FBP1: variants seen among roughly 807,000 people sequenced by gnomAD.
FBP1 encodes the protein fructose-bisphosphatase 1.
FBP1 carries 22 observed loss-of-function variants against 29.9 expected under a neutral mutation model. The ratio of observed to expected loss-of-function variants is 0.74; its 90% CI spans 0.53 to 1.05. FBP1 has a LOEUF of 1.05. Among genes scored for constraint, FBP1 ranks in the 50% least tolerant of loss-of-function variants. FBP1 has a pLI of 0.00. For missense variants in FBP1, 345 were observed against 448.2 expected (o/e 0.77, Z 2.08); for synonymous variants, 175 against 178.6 (o/e 0.98, Z 0.16).
intron 4 of FBP1, among the ~76,000 whole-genome samples, chr9:94,609,470 T>G (rs1359342425): frequency 6.6e-6 from 1 of 152,218 alleles, no homozygotes; most frequent in Non-Finnish European, 1.5e-5. Flanking sequence ...AGAAACATTA[T>G]GTTTTTTACA....
chr9:94,621,423 A>G (rs1434062170), intron 1 of FBP1, among the ~76,000 whole-genome samples: 1 of 149,440 alleles, frequency 6.7e-6, no homozygotes, highest in African/African-American at 2.6e-5. Context: ...AGAAGAAAGG[A>G]AGGAGGACAT....
intron 1 of FBP1, among the ~76,000 whole-genome samples, chr9:94,621,916 T>C (rs887624163): frequency 6.6e-6 from 1 of 152,044 alleles, no homozygotes; most frequent in Admixed American, 6.6e-5. Flanking sequence ...CCTCATTTCA[T>C]AGAGGAGAAA....
At chr9:94,624,661 T>TA (rs917166569) in intron 1 of FBP1, among the ~76,000 whole-genome samples, 2 of 149,456 alleles carry the variant, frequency 1.3e-5, no homozygotes, top group Admixed American at 6.7e-5. Context: ...CTCAAAAAAA[T>TA]AAAAAAAAGA....
At chr9:94,627,795 G>T (rs1377299631) in intron 1 of FBP1, among the ~76,000 whole-genome samples, 1 of 152,178 alleles carries the variant, frequency 6.6e-6, no homozygotes, top group African/African-American at 2.4e-5. Flanking sequence ...GAGGCTGGAG[G>T]GATATGGGAA....
chr9:94,613,585 C>T (rs112037608), intron 3 of FBP1, among the ~76,000 whole-genome samples: 1,750 of 151,872 alleles, frequency 0.012, 18 homozygotes, highest in South Asian at 0.02. Context: ...GGAAACATAG[C>T]GAGACCCCCT....
At chr9:94,604,486 T>TTAA (rs1554750318) in intron 6 of FBP1, among the ~76,000 whole-genome samples, 16 of 143,456 alleles carry the variant, frequency 1.1e-4, no homozygotes, top group Non-Finnish European at 2.1e-4. Flanking sequence ...CCTCTTGCAT[T>TTAA]AAAAAAAAAA....
rs757595481 is a variant in FBP1 at position 94,603,365 on chromosome 9, C to T, written c.*16G>A. On this transcript the variant is annotated 3_prime_UTR_variant, in exon 7 of 7. Transcript: ENST00000375326. ...CCAGGTAGAGGCAATTCTCCGGATG[C>T]AGGCAGGGCAGGTGCTCACTGGGCA... 1.9e-6 allele frequency: 3 copies of T among 1,610,036 alleles called. No individual in the cohort carries two copies. The highest frequency in any genetic ancestry group is 2.5e-6 in the Non-Finnish European group (3 of 1,177,546).
In FBP1 at chr9:94,632,376, GAAAAT is replaced by G. The variant is rs1170756779; in HGVS notation, c.170+6760_170+6764del. On this transcript the variant is annotated intron_variant, in intron 1 of 6. Coordinates refer to ENST00000375326, the MANE Select transcript of FBP1 (RefSeq NM_000507.4). ...TGCAAATAAAAGTTTACAAAAAAAT[GAAAAT>G]AAAATAGACCAGGCACGGTGGCTCA... Among the ~76,000 whole-genome samples, 5 of 152,278 alleles carry G rather than the reference GAAAAT, an allele frequency of 3.3e-5. No individual in the cohort carries two copies. In the South Asian group the frequency reaches 1.0e-3, roughly 32 times the overall value.
chr9:94,638,086 CAAA>C (rs11308338), intron 1 of FBP1, among the ~76,000 whole-genome samples: 23 of 110,184 alleles, frequency 2.1e-4, no homozygotes, highest in African/African-American at 5.3e-4. Flanking sequence ...AATTCCATCT[CAAA>C]AAAAAAAAAA....
At chr9:94,613,361 C>T (rs1051592338) in intron 3 of FBP1, among the ~76,000 whole-genome samples, 22 of 152,184 alleles carry the variant, frequency 1.4e-4, no homozygotes, top group African/African-American at 4.6e-4. Flanking sequence ...TTCTTATGCT[C>T]TAAACAGCCA....
intron 1 of FBP1, among the ~76,000 whole-genome samples, chr9:94,624,221 C>CACCTT (rs1827989553): frequency 2.0e-5 from 3 of 151,784 alleles, no homozygotes; most frequent in African/African-American, 7.3e-5. Context: ...ACCTGTAGTC[C>CACCTT]CAGCTACTCA....
At chr9:94,629,499 A>G (rs1828072509) in intron 1 of FBP1, among the ~76,000 whole-genome samples, 1 of 152,156 alleles carries the variant, frequency 6.6e-6, no homozygotes, top group Non-Finnish European at 1.5e-5. Context: ...TTGGGTGGTA[A>G]GACGGATAAT....
chr9:94,626,364 T>C lies in FBP1; in HGVS notation c.171-5873A>G, dbSNP rs1828026457. Reference sequence around the variant, plus strand: ...GGTCAAGAGAATAAATTCCCCCGGCTGCCAGCCAACTATGCTGCCATGTTG... The same window carrying C: ...GGTCAAGAGAATAAATTCCCCCGGCCGCCAGCCAACTATGCTGCCATGTTG... On this transcript the variant is annotated intron_variant, in intron 1 of 6. Coordinates refer to ENST00000375326, the MANE Select transcript of FBP1 (RefSeq NM_000507.4). Among the ~76,000 whole-genome samples, 4 of 152,216 alleles carry C rather than the reference T, an allele frequency of 2.6e-5. No homozygotes were observed. The South Asian group carries it at 8.3e-4, about 31-fold the overall frequency.
chr9:94,613,535 CG>C (rs33938516), intron 3 of FBP1, among the ~76,000 whole-genome samples: 61,833 of 151,412 alleles, frequency 0.41, 12,858 homozygotes, highest in Admixed American at 0.49. Flanking sequence ...GAGGTCGAGG[CG>C]GGAGGATCGC....
chr9:94,633,739 A>G lies in FBP1; in HGVS notation c.170+5402T>C, dbSNP rs547264597. Among the ~76,000 whole-genome samples the G allele has an allele frequency of 8.6e-5, 13 of 151,186 alleles. No homozygotes were observed. The South Asian group carries it at 1.3e-3, about 15-fold the overall frequency. ...TTTTTTTTTGAGACGGAGTCTCCCTATGTCGCCCAGGCTGGAGTGCAGTGG... is the reference window on the plus strand; with the variant it reads ...TTTTTTTTTGAGACGGAGTCTCCCTGTGTCGCCCAGGCTGGAGTGCAGTGG... On this transcript the variant is annotated intron_variant, in intron 1 of 6. Coordinates refer to ENST00000375326, the MANE Select transcript of FBP1 (RefSeq NM_000507.4).
intron 1 of FBP1, among the ~76,000 whole-genome samples, chr9:94,637,508 C>T (rs1286799800): frequency 6.6e-6 from 1 of 151,674 alleles, no homozygotes; most frequent in Non-Finnish European, 1.5e-5. Flanking sequence ...AAGCAATTCT[C>T]CTTCCTCAGC....
chr9:94,632,635 A>G (rs1450484683), intron 1 of FBP1, among the ~76,000 whole-genome samples: 1 of 150,874 alleles, frequency 6.6e-6, no homozygotes, highest in Non-Finnish European at 1.5e-5. Context: ...ACCACACCAC[A>G]GCCCTCCAGC....
At chr9:94,623,722 C>T (rs1207568131) in intron 1 of FBP1, among the ~76,000 whole-genome samples, 1 of 152,216 alleles carries the variant, frequency 6.6e-6, no homozygotes, top group Non-Finnish European at 1.5e-5. Context: ...TCTGAGTGCT[C>T]ATTTATTCTA....
Position 94,610,046 on chromosome 9 carries a change from G to T in FBP1, c.442C>A (p.Pro148Thr). Residue 148 changes from proline (P) to threonine (T), a missense_variant, in exon 4 of 7, where the codon CCT becomes ACT. Transcript: ENST00000375326. ...GIYRKKSTDE[P>T]SEKDALQPGR... ...GGTTGCAGAGCATCCTTCTCAGAAGGCTCATCAGTTGATTTCTAGAGCAAG... is the reference window on the plus strand; with the variant it reads ...GGTTGCAGAGCATCCTTCTCAGAAGTCTCATCAGTTGATTTCTAGAGCAAG... The T allele has an allele frequency of 1.2e-6, 2 of 1,614,112 alleles. No homozygotes were observed. Among genetic ancestry groups the T allele is most frequent in the Non-Finnish European group, 1.7e-6 (2 of 1,179,968 alleles).
Sources: gnomAD v4.1 joint callset for allele counts (sites outside exome capture counted in the v4.1 genomes callset) on GRCh38, gnomAD v4.1.1 for gene constraint, MANE v1.5 for transcripts, NCBI Gene and HGNC (gene_info 2026-07-23, HGNC 2026-07-21) for gene names.